PC: variants seen among roughly 807,000 people sequenced by gnomAD.
The protein encoded by PC is pyruvate carboxylase, also known as pyruvate carboxylase, mitochondrial.
A neutral mutation model predicts 107.8 loss-of-function variants in PC; 46 were observed. The observed-to-expected ratio is 0.43, with a 90% CI of 0.34 to 0.55. The LOEUF (loss-of-function observed/expected upper bound fraction) is 0.55, where lower values mean the gene tolerates loss of function less well. Among genes scored for constraint, PC ranks in the 20% least tolerant of loss-of-function variants. The pLI is 0.04. For missense variants in PC, 1,241 were observed against 1,643.1 expected (o/e 0.76, Z 4.23); for synonymous variants, 662 against 684.7 (o/e 0.97, Z 0.52).
intron 3 of PC, among the ~76,000 whole-genome samples, chr11:66,899,996 T>C (rs927941030): frequency 3.3e-5 from 5 of 152,198 alleles, no homozygotes; most frequent in Non-Finnish European, 7.3e-5. Flanking sequence ...TTGAAAAGAC[T>C]ATTCTTTCCC....
chr11:66,868,152 C>A (rs1182209593), intron 10 of PC, among the ~76,000 whole-genome samples: 1 of 152,242 alleles, frequency 6.6e-6, no homozygotes, highest in Non-Finnish European at 1.5e-5. Context: ...ATCAGATAAT[C>A]CTGTTGAAGG....
chr11:66,871,230 A>G lies in PC; in HGVS notation c.488-33T>C. 7 of 1,613,368 alleles carry G rather than the reference A, an allele frequency of 4.3e-6. No individual in the cohort carries two copies. The highest frequency in any genetic ancestry group is 5.9e-6 in the Non-Finnish European group (7 of 1,179,512). On this transcript the variant is annotated intron_variant, in intron 6 of 22. Coordinates refer to ENST00000393960, the MANE Select transcript of PC (RefSeq NM_001040716.2). The surrounding 1 kb of genome is among the most constrained non-coding windows in gnomAD (Gnocchi z 7.4). ...GAGAAAGGTGTGGGGGAGTCTCTGTAACAGGCGGGAATCCCTGCCACCCCT... is the reference window on the plus strand; with the variant it reads ...GAGAAAGGTGTGGGGGAGTCTCTGTGACAGGCGGGAATCCCTGCCACCCCT...
chr11:66,867,379 A>T (rs116094583), intron 10 of PC, among the ~76,000 whole-genome samples: 1 of 151,990 alleles, frequency 6.6e-6, no homozygotes, highest in African/African-American at 2.4e-5. Context: ...GAGCAAGACT[A>T]TGTCTTAAAA....
chr11:66,850,030 C>G lies in PC; in HGVS notation c.2805G>C (p.Ala935=). The G allele has an allele frequency of 6.2e-7, 1 of 1,613,672 alleles. No homozygotes were observed. Among genetic ancestry groups the G allele is most frequent in the Non-Finnish European group, 8.5e-7 (1 of 1,180,024 alleles). ...CGGAGCGGGGAAAGGACAGCTCTTC[C>G]GCCTGAGCTTCGGCCTCTGCCCGGC... The part of the protein sequence containing the change: ...GLSRAEAEAQ[A]EELSFPRSVV... Residue 935 remains alanine (A), a synonymous_variant, in exon 20 of 23, where the codon GCG becomes GCC. Coordinates refer to ENST00000393960, the MANE Select transcript of PC (RefSeq NM_001040716.2).
chr11:66,863,319 G>T (rs371971202), intron 12 of PC, among the ~76,000 whole-genome samples: 5 of 152,168 alleles, frequency 3.3e-5, no homozygotes, highest in African/African-American at 9.7e-5. Context: ...CAGCCTGGGC[G>T]ACAGCAAGAT....
At chr11:66,932,362 T>C (rs1434126936) in intron 3 of PC, among the ~76,000 whole-genome samples, 1 of 152,136 alleles carries the variant, frequency 6.6e-6, no homozygotes, top group Non-Finnish European at 1.5e-5. Flanking sequence ...TCAGTAACTG[T>C]TACATGAGAC....
At position 66,891,632 on chromosome 11, in the gene PC, TC is replaced by T. The variant is rs1158430517; in HGVS notation, c.1-19474del. ...GTCGTGAACTCCTGACCTCAGGTGA[TC>T]CACCCACCTCAGCCTCCCAAAGTGC... On this transcript the variant is annotated intron_variant, in intron 3 of 22. Transcript: ENST00000393960. Among the ~76,000 whole-genome samples the T allele has an allele frequency of 5.3e-5, 8 of 152,118 alleles. No homozygotes were observed. In the East Asian group the frequency reaches 1.5e-3, roughly 29 times the overall value.
intron 3 of PC, among the ~76,000 whole-genome samples, chr11:66,884,694 C>A (rs570382501): frequency 2.0e-5 from 3 of 152,280 alleles, no homozygotes; most frequent in East Asian, 1.9e-4. Flanking sequence ...GGACTTCCAG[C>A]CTCCATAACT....
intron 3 of PC, among the ~76,000 whole-genome samples, chr11:66,897,495 C>A (rs1735964826): frequency 6.6e-6 from 1 of 152,140 alleles, no homozygotes; most frequent in African/African-American, 2.4e-5. Flanking sequence ...TTGCTTAAAC[C>A]CGGGAGGCAG....
chr11:66,850,240 T>A lies in PC; in HGVS notation c.2698A>T (p.Met900Leu). 6.2e-7 allele frequency: 1 copy of A among 1,613,994 alleles called. No homozygotes were observed. The highest frequency in any genetic ancestry group is 2.2e-5 in the East Asian group (1 of 44,864). Residue 900 changes from methionine to leucine, a missense_variant, in exon 19 of 23, where the codon ATG (methionine) becomes TTG (leucine). Transcript: ENST00000393960. ...VKKAYVEANQ[M>L]LGDLIKVTPS... ...CTCACCTTGATGAGATCGCCCAGCA[T>A]CTGGTTGGCCTCCACATAGGCCTTC...
At chr11:66,948,058 G>A (rs1453660781) in intron 3 of PC, among the ~76,000 whole-genome samples, 1 of 145,144 alleles carries the variant, frequency 6.9e-6, no homozygotes, top group African/African-American at 2.6e-5. Context: ...TAGATAGATA[G>A]ATAGATATGC....
Position 66,852,023 on chromosome 11 carries a change from G to A in PC, c.1826-77C>T. Reference sequence around the variant, plus strand: ...ACCAGGCCTTGGAGCTAGCTCTGCAGCACAAGCCTCTGGCCCCAATACCAG... The same window carrying A: ...ACCAGGCCTTGGAGCTAGCTCTGCAACACAAGCCTCTGGCCCCAATACCAG... On this transcript the variant is annotated intron_variant, in intron 15 of 22. Coordinates refer to ENST00000393960, the MANE Select transcript of PC (RefSeq NM_001040716.2). The surrounding 1 kb of genome is among the most constrained non-coding windows in gnomAD (Gnocchi z 4.7). 3.4e-6 allele frequency: 5 copies of A among 1,472,044 alleles called. No homozygotes were observed. In the Middle Eastern group the frequency reaches 1.1e-3, roughly 333 times the overall value. 91.2% of individuals were successfully genotyped at this position (1,472,044 alleles called of 1,614,324 possible). A position where few individuals can be genotyped will look rare whatever the true frequency, so the allele number is the denominator to read the frequency against.
In PC at chr11:66,914,468, G is replaced by A. The variant is rs186759715; in HGVS notation, c.-1+37962C>T. 1.4e-3 allele frequency among the ~76,000 whole-genome samples: 218 copies of A among 151,096 alleles called. 2 individuals are homozygous for A. Among genetic ancestry groups the A allele is most frequent in the African/African-American group, 5.1e-3 (209 of 41,118 alleles). ...AGAGTTTGCAGTGAGCCGAGATGGC[G>A]CCACTGCACTCCAGTCTGGGCAACA... On this transcript the variant is annotated intron_variant, in intron 3 of 22. Coordinates refer to ENST00000393960, the MANE Select transcript of PC (RefSeq NM_001040716.2).
At chr11:66,924,027 A>G (rs944499173) in intron 3 of PC, among the ~76,000 whole-genome samples, 7 of 151,768 alleles carry the variant, frequency 4.6e-5, no homozygotes, top group African/African-American at 1.7e-4. Flanking sequence ...ACATGGCAAA[A>G]CCATGTCTCT....
At chr11:66,933,396 G>A (rs910618788) in intron 3 of PC, among the ~76,000 whole-genome samples, 2 of 152,118 alleles carry the variant, frequency 1.3e-5, no homozygotes, top group Non-Finnish European at 2.9e-5. Context: ...TTATTGCTCT[G>A]GTCTCAAGCT....
chr11:66,933,735 T>C (rs897966730), intron 3 of PC, among the ~76,000 whole-genome samples: 1 of 151,970 alleles, frequency 6.6e-6, no homozygotes. Flanking sequence ...TTCCGGAATG[T>C]CTGAGTTACA....
At chr11:66,868,713 C>T (rs1351140950) in intron 10 of PC, 133 bp downstream of exon 10, 5 of 724,740 alleles carry the variant, frequency 6.9e-6, no homozygotes, top group Non-Finnish European at 1.3e-5. Flanking sequence ...CACTAAGTAC[C>T]TGGATCCCCA....
At chr11:66,902,000 T>C (rs1947972265) in intron 3 of PC, among the ~76,000 whole-genome samples, 1 of 152,190 alleles carries the variant, frequency 6.6e-6, no homozygotes, top group Non-Finnish European at 1.5e-5. Flanking sequence ...CTGTGGAACC[T>C]AGGTCAATGT....
At chr11:66,894,169 C>T (rs1231846695) in intron 3 of PC, among the ~76,000 whole-genome samples, 1 of 152,110 alleles carries the variant, frequency 6.6e-6, no homozygotes, top group Non-Finnish European at 1.5e-5. Flanking sequence ...TTCTCTGACT[C>T]CCCACTGTCT....
Sources: gnomAD v4.1 joint callset for allele counts (sites outside exome capture counted in the v4.1 genomes callset) on GRCh38, gnomAD v4.1.1 for gene constraint, Gnocchi (gnomAD v3.1) non-coding constraint, MANE v1.5 for transcripts, NCBI Gene and HGNC (gene_info 2026-07-23, HGNC 2026-07-21) for gene names.